Variants in SLC8A1 observed in about 807,000 individuals in gnomAD.
SLC8A1 encodes the protein sodium/calcium exchanger 1.
SLC8A1 carries 18 observed loss-of-function variants against 68.3 expected under a neutral mutation model. The observed-to-expected ratio is 0.26, with a 90% CI of 0.18 to 0.39. The LOEUF (loss-of-function observed/expected upper bound fraction) is 0.39, where lower values mean the gene tolerates loss of function less well. Ranked by LOEUF, SLC8A1 falls within the 10% of genes least tolerant of loss-of-function variation. The probability of loss-of-function intolerance (pLI) is 1.00; values close to 1 mark genes in which losing one functional copy is unlikely to be tolerated. For missense variants in SLC8A1, 985 were observed against 1,156.7 expected (o/e 0.85, Z 2.15); for synonymous variants, 475 against 415.5 (o/e 1.14, Z -1.74).
intron 2 of SLC8A1, among the ~76,000 whole-genome samples, chr2:40,254,208 C>CCAA (rs1323254275): frequency 1.3e-5 from 2 of 152,072 alleles, no homozygotes; most frequent in Admixed American, 1.3e-4. Context: ...AAAGCTAATT[C>CCAA]CAACTGCTAA....
intron 2 of SLC8A1, among the ~76,000 whole-genome samples, chr2:40,293,111 C>A (rs2069641166): frequency 6.6e-6 from 1 of 152,130 alleles, no homozygotes; most frequent in Non-Finnish European, 1.5e-5. Context: ...CCTTGGAATG[C>A]TTTTCCTCCA....
At chr2:40,281,445 C>T (rs978429084) in intron 2 of SLC8A1, among the ~76,000 whole-genome samples, 12 of 152,168 alleles carry the variant, frequency 7.9e-5, no homozygotes, top group African/African-American at 2.2e-4. Context: ...TCTCATAGGC[C>T]AACTCTATGC....
At chr2:40,279,331 AT>A (rs2067191874) in intron 2 of SLC8A1, among the ~76,000 whole-genome samples, 1 of 152,228 alleles carries the variant, frequency 6.6e-6, no homozygotes, top group African/African-American at 2.4e-5. Flanking sequence ...TTTAGCAATA[AT>A]CTATAATACA....
rs922929965 is a variant in SLC8A1 at position 40,130,248 on chromosome 2, G to C, written c.2437+9153C>G. ...GCGGCCTATTCCCCACTGTTTCTTA[G>C]TATACGATAACAGGCAGTTATGGTG... is the stretch of plus-strand genomic sequence containing the variant. On this transcript the variant is annotated intron_variant, in intron 7 of 7. Transcript: ENST00000406785. 4.8e-4 allele frequency among the ~76,000 whole-genome samples: 73 copies of C among 152,310 alleles called. 1 individual carries two copies. Among genetic ancestry groups the C allele is most frequent in the African/African-American group, 1.7e-3 (69 of 41,584 alleles).
chr2:40,189,995 C>A (rs1371669412), intron 2 of SLC8A1: 1 of 152,146 alleles, frequency 6.6e-6, no homozygotes, highest in Non-Finnish European at 1.5e-5. Flanking sequence ...ATTCTCTCCT[C>A]GGTCATTACT....
At chr2:40,307,799 C>A (rs986377356) in intron 2 of SLC8A1, among the ~76,000 whole-genome samples, 2 of 152,070 alleles carry the variant, frequency 1.3e-5, no homozygotes, top group African/African-American at 4.8e-5. Flanking sequence ...AGGATAGCAG[C>A]AAAGGCATCA....
chr2:40,335,980 A>G (rs895868394), intron 2 of SLC8A1, among the ~76,000 whole-genome samples: 8 of 152,248 alleles, frequency 5.3e-5, no homozygotes, highest in African/African-American at 1.7e-4. Context: ...AAGTCCATGA[A>G]GTGGGTAATG....
chr2:40,413,898 C>T (rs555674306), intron 2 of SLC8A1, among the ~76,000 whole-genome samples: 11 of 152,216 alleles, frequency 7.2e-5, no homozygotes, highest in East Asian at 1.9e-4. Context: ...CATGATGATG[C>T]GTCTCACTAG....
intron 2 of SLC8A1, among the ~76,000 whole-genome samples, chr2:40,298,712 G>A (rs2070879583): frequency 1.3e-5 from 2 of 152,144 alleles, no homozygotes; most frequent in Non-Finnish European, 2.9e-5. Flanking sequence ...CGTGCTGTAA[G>A]GATGACATAA....
At chr2:40,159,036 T>C (rs1160840699) in intron 6 of SLC8A1, among the ~76,000 whole-genome samples, 1 of 152,144 alleles carries the variant, frequency 6.6e-6, no homozygotes, top group African/African-American at 2.4e-5. Flanking sequence ...TTGAGAGTCA[T>C]AAAACTATGT....
Position 40,276,122 on chromosome 2 carries a change from T to C in SLC8A1, c.1809-98267A>G, listed in dbSNP as rs149801574. On this transcript the variant is annotated intron_variant, in intron 2 of 7. Transcript: ENST00000406785. ...TTGATTGGCATATTTGGCAAGCTTT[T>C]GAGAAGACTGGGAAATTGGGCAATC... 6.5e-4 allele frequency among the ~76,000 whole-genome samples: 99 copies of C among 152,372 alleles called. No individual in the cohort carries two copies. The Middle Eastern group carries it at 0.01, about 16-fold the overall frequency.
rs566337501 is a variant in SLC8A1 at position 40,262,855 on chromosome 2, C to T, written c.1809-85000G>A. ...AATTTGGATCATATTTAGCTCTCCT[C>T]CCACCTCTTTCAAACACTTACTAAG... is the stretch of plus-strand genomic sequence containing the variant. On this transcript the variant is annotated intron_variant, in intron 2 of 7. Coordinates refer to ENST00000406785, the Ensembl canonical transcript of SLC8A1. Among the ~76,000 whole-genome samples, 12 of 152,284 alleles carry T rather than the reference C, an allele frequency of 7.9e-5. No individual in the cohort carries two copies. In the East Asian group the frequency reaches 2.1e-3, roughly 27 times the overall value.
upstream of SLC8A1, among the ~76,000 whole-genome samples, chr2:40,453,987 G>GCTATAA (rs1702837122): frequency 6.6e-6 from 1 of 152,108 alleles, no homozygotes; most frequent in East Asian, 1.9e-4. Context: ...AAATTTTCTT[G>GCTATAA]GAAGCTACTT....
chr2:40,359,167 T>C (rs1318671347), intron 2 of SLC8A1, among the ~76,000 whole-genome samples: 2 of 152,062 alleles, frequency 1.3e-5, no homozygotes, highest in Non-Finnish European at 2.9e-5. Context: ...TAGTTCAAAA[T>C]ATATGGGCTG....
chr2:40,228,672 G>A (rs1367779043), intron 2 of SLC8A1, among the ~76,000 whole-genome samples: 1 of 152,168 alleles, frequency 6.6e-6, no homozygotes, highest in Non-Finnish European at 1.5e-5. Context: ...GGGTGGCAGG[G>A]AGCTTTTCTA....
chr2:40,160,608 C>T (rs1358025428), intron 6 of SLC8A1, among the ~76,000 whole-genome samples, 157 bp downstream of exon 9: 1 of 152,140 alleles, frequency 6.6e-6, no homozygotes, highest in East Asian at 1.9e-4. Context: ...TCAATTTAGT[C>T]TTTAAAATGT....
intron 2 of SLC8A1, among the ~76,000 whole-genome samples, chr2:40,241,152 G>A (rs2061167413): frequency 6.6e-6 from 1 of 152,106 alleles, no homozygotes. Flanking sequence ...TATACACCAT[G>A]GAATATTACA....
At chr2:40,309,773 G>A (rs1473725464) in intron 2 of SLC8A1, among the ~76,000 whole-genome samples, 1 of 151,910 alleles carries the variant, frequency 6.6e-6, no homozygotes, top group Non-Finnish European at 1.5e-5. Context: ...CAAAGTGCTG[G>A]GATTACAGGC....
intron 4 of SLC8A1, among the ~76,000 whole-genome samples, chr2:40,170,676 A>G (rs1048835335): frequency 3.9e-5 from 6 of 152,204 alleles, no homozygotes; most frequent in Non-Finnish European, 2.9e-5. Context: ...CCTTCAAGGT[A>G]CCGCTTGCAG....
Sources: gnomAD v4.1 joint callset for allele counts (sites outside exome capture counted in the v4.1 genomes callset) on GRCh38, gnomAD v4.1.1 for gene constraint, MANE v1.5 for transcripts, NCBI Gene and HGNC (gene_info 2026-07-23, HGNC 2026-07-21) for gene names.